The following HENMT1 variants were observed in gnomAD, a reference collection of about 807,000 sequenced individuals.
HENMT1 encodes HEN methyltransferase 1.
Under a neutral mutation model 31.1 loss-of-function variants are expected in HENMT1, and 27 were observed. The ratio of observed to expected loss-of-function variants is 0.87; its 90% CI spans 0.64 to 1.20. The LOEUF is 1.20. Among genes scored for constraint, HENMT1 ranks in the 50% most tolerant of loss-of-function variants. The pLI is 0.00. For missense variants in HENMT1, 438 were observed against 469.6 expected (o/e 0.93, Z 0.62); for synonymous variants, 167 against 172.2 (o/e 0.97, Z 0.24).
chr1:108,652,606 C>T (rs182609374), intron 5 of HENMT1, among the ~76,000 whole-genome samples: 1 of 152,130 alleles, frequency 6.6e-6, no homozygotes, highest in East Asian at 1.9e-4. Context: ...TAGACATTGA[C>T]AAAAATGCTT....
rs1397950841 is a variant in HENMT1, at chr1:108,660,055, C to T, written c.-78-93G>A. 5 of 539,772 alleles carry T rather than the reference C, an allele frequency of 9.3e-6. No individual in the cohort carries two copies. The Admixed American group carries it at 1.2e-4, about 13-fold the overall frequency. 33.4% of individuals were successfully genotyped at this position (539,772 alleles called of 1,614,324 possible). ...GAAGAACGAAAGCCTCTTTCTTACT[C>T]CTTACTACAGTATATAATTTAAATA... On this transcript the variant is annotated intron_variant, in intron 1 of 7. Transcript: ENST00000651461.
chr1:108,660,478 A>G (rs1658418639), intron 1 of HENMT1, among the ~76,000 whole-genome samples: 2 of 152,064 alleles, frequency 1.3e-5, no homozygotes, highest in African/African-American at 2.4e-5. Context: ...TTCGAGGGGG[A>G]AAAAAAGTGT....
chr1:108,653,727 G>C (rs960635074), intron 5 of HENMT1, among the ~76,000 whole-genome samples: 4 of 152,114 alleles, frequency 2.6e-5, no homozygotes, highest in African/African-American at 9.7e-5. Context: ...TATGTCTTTT[G>C]AGAAATATCT....
chr1:108,656,108 CT>C, intron 3 of HENMT1, among the ~76,000 whole-genome samples: 1 of 152,296 alleles, frequency 6.6e-6, no homozygotes, highest in South Asian at 2.1e-4. Context: ...GCTTTCACCC[CT>C]CACACATTTA....
At position 108,648,681 on chromosome 1, in the gene HENMT1, C is replaced by T. The variant is rs2100994009; in HGVS notation, c.1067G>A (p.Cys356Tyr). ...TGATCTCATCATCTCTTCATTAGCA[C>T]ATAAGCGGTTCAACTTGGGATACGC... ...LLAYPKLNRLCANEEMMRSVI... is the reference protein window; with the variant it reads ...LLAYPKLNRLYANEEMMRSVI... The change falls in exon 8 of 8, where the codon TGT becomes TAT. Residue 356 changes from cysteine to tyrosine, a missense_variant. Physicochemically the swap from Cys to Tyr is radical, Grantham distance 194. Transcript: ENST00000651461. 6.2e-7 allele frequency: 1 copy of T among 1,614,208 alleles called. No homozygotes were observed. Among genetic ancestry groups the T allele is most frequent in the South Asian group, 1.1e-5 (1 of 91,090 alleles).
intron 1 of HENMT1, among the ~76,000 whole-genome samples, 169 bp from the exon 2 acceptor site, chr1:108,660,131 A>AAAAAAC (rs1553184068): frequency 2.6e-5 from 4 of 151,392 alleles, no homozygotes; most frequent in African/African-American, 7.3e-5. Context: ...CAAAAAAAAA[A>AAAAAAC]AAAAAAACAC....
Position 108,648,796 on chromosome 1 carries a change from A to G in HENMT1, c.952T>C (p.Phe318Leu), listed in dbSNP as rs1469779190. The G allele has an allele frequency of 6.2e-7, 1 of 1,614,098 alleles. No homozygotes were observed. The highest frequency in any genetic ancestry group is 8.5e-7 in the Non-Finnish European group (1 of 1,180,046). The change falls in exon 8 of 8, where the codon TTC (phenylalanine) becomes CTC (leucine). Residue 318 changes from phenylalanine to leucine, a missense_variant. By Grantham distance (22) the Phe-to-Leu change is conservative. Coordinates refer to ENST00000651461, the MANE Select transcript of HENMT1 (RefSeq NM_001102592.2). Reference sequence around the variant, plus strand: ...ATCTTGGCCTTCTCAACCTCTGTGAAGACTGGTCCAAAGCATGGGACAGGG... The same window carrying G: ...ATCTTGGCCTTCTCAACCTCTGTGAGGACTGGTCCAAAGCATGGGACAGGG... ...KAPVPCFGPV[F>L]TEVEKAKIEN...
intron 5 of HENMT1, among the ~76,000 whole-genome samples, chr1:108,653,550 T>C (rs780411174): frequency 8.5e-5 from 13 of 152,250 alleles, no homozygotes; most frequent in Non-Finnish European, 1.9e-4. Flanking sequence ...CTAATTTACA[T>C]TCACACCAGT....
Position 108,650,337 on chromosome 1 carries a change from G to C in HENMT1, c.630C>G (p.Val210=), listed in dbSNP as rs142977292. 1.2e-6 allele frequency: 2 copies of C among 1,613,854 alleles called. No homozygotes were observed. Among genetic ancestry groups the C allele is most frequent in the African/African-American group, 2.7e-5 (2 of 74,862 alleles). ...TCTCAGCTCCAGCTGGTGGTTCCCC[G>C]ACACCAGTAAACTCCACAGAGTAAT... The part of the protein sequence containing the change: ...RYDYSVEFTG[V]GEPPAGAENV... The change falls in exon 7 of 8, where the codon GTC becomes GTG. Residue 210 remains valine, a synonymous_variant. Transcript: ENST00000651461.
chr1:108,660,015 G>T, intron 1 of HENMT1, 53 bp from the exon 2 acceptor site: 1 of 946,046 alleles, frequency 1.1e-6, no homozygotes, highest in East Asian at 3.1e-5. Context: ...AGAAATAGCT[G>T]CCTAGTTCAG....
rs768169947 is a variant in HENMT1, at chr1:108,658,048, C to T, written c.22-469G>A. ...ACTTACACACACACACATATATATA[C>T]ACACACACACACATATATATGTACA... On this transcript the variant is annotated intron_variant, in intron 2 of 7. Transcript: ENST00000651461. Among the ~76,000 whole-genome samples, 31 of 79,386 alleles carry T rather than the reference C, an allele frequency of 3.9e-4. 2 individuals carry two copies. In the South Asian group the frequency reaches 5.5e-3, roughly 14 times the overall value. The allele number at this position is 79,386 out of a possible 152,430, so 52.1% of individuals were successfully genotyped here.
Position 108,649,576 on chromosome 1 carries a change from G to A in HENMT1, c.757-585C>T, listed in dbSNP as rs374609421. 202 of 350,998 alleles carry A rather than the reference G, an allele frequency of 5.8e-4. 3 individuals are homozygous for A. The highest frequency in any genetic ancestry group is 3.7e-3 in the South Asian group (169 of 46,064). 21.7% of individuals were successfully genotyped at this position (350,998 alleles called of 1,614,324 possible). ...GGTTACAGTGAGCCATGATTGTGCCGGTGCACTCCAGCCTCGGTGACAGAA... is the reference window on the plus strand; with the variant it reads ...GGTTACAGTGAGCCATGATTGTGCCAGTGCACTCCAGCCTCGGTGACAGAA... On this transcript the variant is annotated intron_variant, in intron 7 of 7. Transcript: ENST00000651461.
chr1:108,661,341 T>C (rs560706267), upstream of HENMT1: 1 of 152,276 alleles, frequency 6.6e-6, no homozygotes, highest in East Asian at 1.9e-4. Context: ...CTTCCGAACC[T>C]TGGCGAGGAC....
chr1:108,656,638 T>C (rs919039952), intron 3 of HENMT1, among the ~76,000 whole-genome samples: 2 of 152,164 alleles, frequency 1.3e-5, no homozygotes, highest in South Asian at 2.1e-4. Flanking sequence ...CGCACCACCA[T>C]GCACAGCTAA....
intron 5 of HENMT1, among the ~76,000 whole-genome samples, chr1:108,653,049 C>T (rs1467627107): frequency 2.7e-5 from 4 of 145,544 alleles, no homozygotes; most frequent in East Asian, 2.0e-4. Flanking sequence ...TTTTTTGAGA[C>T]GGAGTTTTGC....
At chr1:108,650,415 A>G (rs767099606) in intron 6 of HENMT1, 27 bp from the exon 7 acceptor site, 5 of 1,591,816 alleles carry the variant, frequency 3.1e-6, no homozygotes, top group Non-Finnish European at 4.3e-6. Flanking sequence ...GACAGCAATC[A>G]TTTTTCTAAA....
intron 7 of HENMT1, 39 bp downstream of exon 7, chr1:108,650,172 A>C: frequency 6.3e-7 from 1 of 1,589,714 alleles, no homozygotes; most frequent in Middle Eastern, 1.7e-4. Context: ...ATCCTAATGT[A>C]TCTCTAGCCC....
chr1:108,649,708 A>G (rs1043422174), intron 7 of HENMT1, among the ~76,000 whole-genome samples: 2 of 152,188 alleles, frequency 1.3e-5, no homozygotes, highest in African/African-American at 4.8e-5. Context: ...AGGCTCAAAG[A>G]GTAATGTCCT....
rs1658045862 is a variant in HENMT1, at chr1:108,651,270, A to C, written c.399-61T>G. The C allele has an allele frequency of 5.0e-6, 7 of 1,397,696 alleles. 1 individual carries two copies. The South Asian group carries it at 7.7e-5, about 15-fold the overall frequency. 86.6% of individuals were successfully genotyped at this position (1,397,696 alleles called of 1,614,324 possible). ...AGCTTCACTTGCACCTATTTTTCTA[A>C]TTGATTTATCAAAAACAATTTCCAT... is the stretch of plus-strand genomic sequence containing the variant. On this transcript the variant is annotated intron_variant, in intron 5 of 7. Coordinates refer to ENST00000651461, the MANE Select transcript of HENMT1 (RefSeq NM_001102592.2).
Sources: gnomAD v4.1 joint callset for allele counts (sites outside exome capture counted in the v4.1 genomes callset) on GRCh38, gnomAD v4.1.1 for gene constraint, MANE v1.5 for transcripts, NCBI Gene and HGNC (gene_info 2026-07-23, HGNC 2026-07-21) for gene names.